The following SIPA1L1 variants were observed in gnomAD, a reference collection of about 807,000 sequenced individuals.
SIPA1L1 encodes signal-induced proliferation-associated 1-like protein 1.
SIPA1L1 carries 26 observed loss-of-function variants against 162.7 expected under a neutral mutation model. The ratio of observed to expected loss-of-function variants is 0.16; its 90% CI spans 0.12 to 0.22. The LOEUF is 0.22. Ranked by LOEUF, SIPA1L1 falls within the 10% of genes least tolerant of loss-of-function variation. The pLI is 1.00. For synonymous variants in SIPA1L1, 829 were observed against 837.4 expected, an observed-to-expected ratio of 0.99 and a Z score of 0.17; for missense variants, 1,874 against 2,241.0, an observed-to-expected ratio of 0.84 and a Z score of 3.31.
At position 71,589,265 on chromosome 14, in the gene SIPA1L1, G is replaced by A. The variant is rs552725596; in HGVS notation, c.1393G>A (p.Val465Met). The A allele has an allele frequency of 3.1e-6, 5 of 1,613,986 alleles. No individual in the cohort carries two copies. The highest frequency in any genetic ancestry group is 1.7e-4 in the Middle Eastern group (1 of 6,060). ...CTNAGVAVLEVPKENLVLHLD... is the reference protein window; with the variant it reads ...CTNAGVAVLEMPKENLVLHLD... The stretch of plus-strand genomic sequence containing the variant: ...AAATGCAGGAGTGGCAGTACTTGAA[G>A]TGCCCAAGGAGAACTTGGTGTTGCA... Residue 465 changes from valine (V) to methionine (M), a missense_variant, in exon 5 of 24, where the codon GTG (valine) becomes ATG (methionine). This residue lies in a region of SIPA1L1 where 685 missense variants were observed against 828.0 expected (regional missense o/e 0.83). Transcript: ENST00000381232.
intron 12 of SIPA1L1, among the ~76,000 whole-genome samples, chr14:71,684,645 G>T (rs964191232): frequency 1.3e-5 from 2 of 151,960 alleles, no homozygotes; most frequent in Non-Finnish European, 2.9e-5. Flanking sequence ...GTGCAGTGGT[G>T]GGGGTGTGAA....
chr14:71,388,686 C>T (rs1454546781), intron 2 of SIPA1L1, among the ~76,000 whole-genome samples: 1 of 152,162 alleles, frequency 6.6e-6, no homozygotes, highest in Admixed American at 6.5e-5. Context: ...CTTAAATACA[C>T]GATTGCATGA....
At chr14:71,482,955 TAGTC>T (rs930382885) in intron 2 of SIPA1L1, among the ~76,000 whole-genome samples, 4 of 152,200 alleles carry the variant, frequency 2.6e-5, no homozygotes, top group African/African-American at 2.4e-5. Context: ...AGCCAACTCA[TAGTC>T]AGCCAGACAA....
chr14:71,390,962 A>G (rs144606408), intron 2 of SIPA1L1, among the ~76,000 whole-genome samples: 29 of 152,236 alleles, frequency 1.9e-4, no homozygotes, highest in African/African-American at 4.8e-4. Context: ...TTTTAAATAT[A>G]TGTATCTAAT....
intron 7 of SIPA1L1, among the ~76,000 whole-genome samples, chr14:71,632,463 A>G (rs1301477188): frequency 2.0e-5 from 3 of 152,192 alleles, no homozygotes; most frequent in East Asian, 1.9e-4. Context: ...AACAACAACA[A>G]CAACAAAAAA....
At chr14:71,735,683 C>CT (rs1193035152) in intron 22 of SIPA1L1, 2 of 285,220 alleles carry the variant, frequency 7.0e-6, no homozygotes, top group East Asian at 7.6e-5. Flanking sequence ...ACCATTTGCT[C>CT]TAAGTATTCC....
intron 23 of SIPA1L1, among the ~76,000 whole-genome samples, chr14:71,738,691 T>C (rs1424341438): frequency 6.6e-6 from 1 of 152,124 alleles, no homozygotes; most frequent in African/African-American, 2.4e-5. Context: ...TGGGTGGCCT[T>C]GACTATATAT....
At chr14:71,536,841 T>G (rs143266169) in intron 4 of SIPA1L1, among the ~76,000 whole-genome samples, 209 of 152,370 alleles carry the variant, frequency 1.4e-3, no homozygotes, top group Non-Finnish European at 2.5e-3. Context: ...TTTTTAATTT[T>G]AAGCATCACA....
chr14:71,572,066 T>A (rs2032170348), intron 4 of SIPA1L1, among the ~76,000 whole-genome samples: 1 of 152,166 alleles, frequency 6.6e-6, no homozygotes, highest in Admixed American at 6.5e-5. Flanking sequence ...ATGGAGGGCA[T>A]CACATGCTGA....
chr14:71,359,881 C>A (rs1341723395), intron 2 of SIPA1L1, among the ~76,000 whole-genome samples: 3 of 152,260 alleles, frequency 2.0e-5, no homozygotes, highest in Middle Eastern at 3.4e-3. Flanking sequence ...GATAAAAATG[C>A]ATACAGAGAT....
intron 12 of SIPA1L1, 86 bp from the exon 13 acceptor site, chr14:71,685,276 T>G: frequency 7.1e-7 from 1 of 1,411,222 alleles, no homozygotes; most frequent in South Asian, 1.3e-5. Flanking sequence ...GGATCCATTT[T>G]TAAGTGTTAA....
intron 2 of SIPA1L1, among the ~76,000 whole-genome samples, chr14:71,437,718 C>T (rs922697323): frequency 6.6e-6 from 1 of 152,174 alleles, no homozygotes; most frequent in African/African-American, 2.4e-5. Flanking sequence ...ATCATACTAC[C>T]TCTATCACAA....
At chr14:71,478,756 C>T (rs2048085773) in intron 2 of SIPA1L1, among the ~76,000 whole-genome samples, 1 of 152,148 alleles carries the variant, frequency 6.6e-6, no homozygotes, top group Non-Finnish European at 1.5e-5. Flanking sequence ...ATAGGACGTA[C>T]TTCCTGTGAC....
At chr14:71,632,742 C>G (rs1596527167) in intron 7 of SIPA1L1, among the ~76,000 whole-genome samples, 3 of 152,292 alleles carry the variant, frequency 2.0e-5, no homozygotes, top group Middle Eastern at 3.4e-3. Flanking sequence ...AGGAGAGACT[C>G]AGCAGGGAGC....
chr14:71,341,488 A>G (rs2035645391), intron 2 of SIPA1L1, among the ~76,000 whole-genome samples: 1 of 152,212 alleles, frequency 6.6e-6, no homozygotes. Context: ...TATTAGAAAT[A>G]TACAGATTTT....
At chr14:71,491,170 AT>A (rs910272267) in intron 2 of SIPA1L1, among the ~76,000 whole-genome samples, 1 of 152,212 alleles carries the variant, frequency 6.6e-6, no homozygotes, top group Non-Finnish European at 1.5e-5. Flanking sequence ...CTACCAGTTG[AT>A]TTTCAAGAGT....
chr14:71,685,227 A>G, intron 12 of SIPA1L1, 135 bp from the exon 13 acceptor site: 1 of 971,714 alleles, frequency 1.0e-6, no homozygotes, highest in Non-Finnish European at 1.6e-6. Context: ...ACTAGGGCCC[A>G]AAGATTGAAA....
chr14:71,687,248 A>C (rs1566654189), intron 13 of SIPA1L1, among the ~76,000 whole-genome samples: 1 of 152,192 alleles, frequency 6.6e-6, no homozygotes, highest in African/African-American at 2.4e-5. Flanking sequence ...TAGTGGCCCC[A>C]TTACCATCTG....
chr14:71,603,790 G>A (rs1203908924), intron 5 of SIPA1L1, among the ~76,000 whole-genome samples: 2 of 151,492 alleles, frequency 1.3e-5, no homozygotes, highest in South Asian at 2.1e-4. Context: ...AGGCACGTGC[G>A]TGTAATCCCA....
Sources: allele counts gnomAD v4.1 joint callset (sites outside exome capture counted in the v4.1 genomes callset), GRCh38; gene constraint gnomAD v4.1.1; regional missense constraint gnomAD v4.1.1; transcripts MANE v1.5; gene names NCBI Gene and HGNC (gene_info 2026-07-23, HGNC 2026-07-21).